Variants in MAT2B observed in about 807,000 individuals in gnomAD.
MAT2B encodes the protein methionine adenosyltransferase 2 non-catalytic beta subunit.
Under a neutral mutation model 36.1 loss-of-function variants are expected in MAT2B, and 16 were observed. The observed-to-expected ratio is 0.44, with a 90% CI of 0.30 to 0.67. The LOEUF is 0.67. MAT2B is among the 30% of genes least tolerant of loss of function. The pLI is 0.09. For synonymous variants in MAT2B, 148 were observed against 136.9 expected, an observed-to-expected ratio of 1.08 and a Z score of -0.57; for missense variants, 332 against 398.2, an observed-to-expected ratio of 0.83 and a Z score of 1.42.
At chr5:163,515,616 T>A (rs971005172) in intron 4 of MAT2B, among the ~76,000 whole-genome samples, 1 of 152,132 alleles carries the variant, frequency 6.6e-6, no homozygotes, top group African/African-American at 2.4e-5. Context: ...TTGCTTTTAT[T>A]TTTTAATCTA....
upstream of MAT2B, chr5:163,503,363 C>G: frequency 6.2e-7 from 1 of 1,610,962 alleles, no homozygotes; most frequent in Non-Finnish European, 8.5e-7. Flanking sequence ...AGACCCATCC[C>G]GTATCTGCTC....
intron 4 of MAT2B, among the ~76,000 whole-genome samples, chr5:163,514,218 A>G (rs1760095468): frequency 6.6e-6 from 1 of 152,240 alleles, no homozygotes; most frequent in Non-Finnish European, 1.5e-5. Context: ...ATCTTTACAC[A>G]TAGAAAACAA....
Position 163,518,407 on chromosome 5 carries a change from A to G in MAT2B, c.*44A>G, listed in dbSNP as rs1185836152. On this transcript the variant is annotated 3_prime_UTR_variant, in exon 7 of 7. Transcript: ENST00000321757. ...TTTTTTTTTTTTAAATGAAAAGTAT[A>G]GTATGTGGCACTTTTTAAAGAACAA... 6.7e-7 allele frequency: 1 copy of G among 1,502,656 alleles called. No homozygotes were observed. The allele number at this position is 1,502,656 out of a possible 1,614,324, so 93.1% of individuals were successfully genotyped here.
chr5:163,516,227 T>G (rs891452187), intron 4 of MAT2B, among the ~76,000 whole-genome samples: 16 of 152,214 alleles, frequency 1.1e-4, no homozygotes, highest in African/African-American at 2.6e-4. Flanking sequence ...CATTTTAATT[T>G]TTTGTAGAGA....
In MAT2B at chr5:163,516,714, A is replaced by G. The variant is rs371489145; in HGVS notation, c.720+3A>G. 3.1e-6 allele frequency: 5 copies of G among 1,610,504 alleles called. No homozygotes were observed. The highest frequency in any genetic ancestry group is 4.2e-6 in the Non-Finnish European group (5 of 1,179,908). On this transcript the variant is annotated splice_donor_region_variant and intron_variant, in intron 5 of 6. Transcript: ENST00000321757. ...AGCTAGCAGAGAAGAGAATGCTGGTAAGAAGGATTCCTGAGTCCTGTCTTA... is the reference window on the plus strand; with the variant it reads ...AGCTAGCAGAGAAGAGAATGCTGGTGAGAAGGATTCCTGAGTCCTGTCTTA...
At chr5:163,508,665 T>A (rs1366973081) in intron 1 of MAT2B, among the ~76,000 whole-genome samples, 2 of 152,098 alleles carry the variant, frequency 1.3e-5, no homozygotes, top group Middle Eastern at 6.8e-3. Flanking sequence ...TCCCCCAGGC[T>A]GGAGTGCAGT....
chr5:163,511,873 C>T lies in MAT2B; in HGVS notation c.64-129C>T, dbSNP rs145508621. 301 of 698,922 alleles carry T rather than the reference C, an allele frequency of 4.3e-4. No homozygotes were observed. The African/African-American group carries it at 5.2e-3, about 12-fold the overall frequency. The allele number at this position is 698,922 out of a possible 1,614,324, so 43.3% of individuals were successfully genotyped here. ...GACCCTAACTTAACTTTAGAATTGGCTTGCAGATATGGGACATGAGTCAAA... is the reference window on the plus strand; with the variant it reads ...GACCCTAACTTAACTTTAGAATTGGTTTGCAGATATGGGACATGAGTCAAA... On this transcript the variant is annotated intron_variant, in intron 1 of 6. Transcript: ENST00000321757.
chr5:163,508,451 T>C (rs1759979123), intron 1 of MAT2B, among the ~76,000 whole-genome samples: 1 of 152,130 alleles, frequency 6.6e-6, no homozygotes, highest in Non-Finnish European at 1.5e-5. Context: ...TTGGCCAGGC[T>C]GGTTTTGAAC....
intron 6 of MAT2B, 87 bp downstream of exon 6, chr5:163,517,761 T>C: frequency 1.3e-6 from 1 of 783,856 alleles, no homozygotes; most frequent in Non-Finnish European, 2.2e-6. Flanking sequence ...TCAGTACTAA[T>C]CAAAGTGAAC....
intron 1 of MAT2B, 60 bp from the exon 2 acceptor site, chr5:163,511,942 T>TA: frequency 7.9e-7 from 1 of 1,268,922 alleles, no homozygotes; most frequent in Non-Finnish European, 1.1e-6. Context: ...TGGTGCCTAA[T>TA]ATATTTGAGA....
At chr5:163,518,092 A>C in intron 6 of MAT2B, 101 bp from the exon 7 acceptor site, 1 of 787,922 alleles carries the variant, frequency 1.3e-6, no homozygotes, top group Non-Finnish European at 1.9e-6. Context: ...ATCTCTGTTT[A>C]AAAATATATA....
chr5:163,518,088 G>A (rs1760159793), intron 6 of MAT2B, 105 bp from the exon 7 acceptor site: 6 of 766,148 alleles, frequency 7.8e-6, no homozygotes, highest in Middle Eastern at 3.9e-4. Context: ...TCTCATCTCT[G>A]TTTAAAAATA....
At chr5:163,509,602 C>T (rs777519196) in intron 1 of MAT2B, among the ~76,000 whole-genome samples, 7 of 152,196 alleles carry the variant, frequency 4.6e-5, no homozygotes, top group African/African-American at 4.8e-5. Context: ...CCTTTGCTTC[C>T]GTAGAGTGAA....
Position 163,518,251 on chromosome 5 carries a change from C to T in MAT2B, c.893C>T (p.Ser298Phe), listed in dbSNP as rs1760162950. 6.2e-7 allele frequency: 1 copy of T among 1,613,786 alleles called. No individual in the cohort carries two copies. The highest frequency in any genetic ancestry group is 8.5e-7 in the Non-Finnish European group (1 of 1,179,818). ...CCGAGAAATGCTCAGCTTGACTGCT[C>T]CAAATTGGAGACCTTGGGCATTGGC... ...QRPRNAQLDC[S>F]KLETLGIGQR... is the part of the protein sequence containing the mutation. Residue 298 changes from serine (S) to phenylalanine (F), a missense_variant, in exon 7 of 7, where the codon TCC (serine) becomes TTC (phenylalanine). Coordinates refer to ENST00000321757, the MANE Select transcript of MAT2B (RefSeq NM_013283.5).
At chr5:163,516,855 A>G in intron 5 of MAT2B, 144 bp downstream of exon 5, 1 of 690,688 alleles carries the variant, frequency 1.4e-6, no homozygotes, top group Non-Finnish European at 2.6e-6. Flanking sequence ...AAAGTAGTTT[A>G]CATATACACT....
chr5:163,510,801 T>C (rs1419826772), intron 1 of MAT2B, among the ~76,000 whole-genome samples: 1 of 152,250 alleles, frequency 6.6e-6, no homozygotes, highest in Admixed American at 6.5e-5. Flanking sequence ...CAAGTTTTTT[T>C]TCCTCCTCGT....
At chr5:163,512,219 A>T (rs761739816) in intron 2 of MAT2B, 23 bp downstream of exon 2, 1 of 1,556,732 alleles carries the variant, frequency 6.4e-7, no homozygotes, top group East Asian at 2.2e-5. Flanking sequence ...TTATTTTAAG[A>T]TATACATGAA....
At chr5:163,506,399 G>C (rs1348492715) in intron 1 of MAT2B, among the ~76,000 whole-genome samples, 1 of 152,152 alleles carries the variant, frequency 6.6e-6, no homozygotes, top group Non-Finnish European at 1.5e-5. Flanking sequence ...TTTCCCTGAA[G>C]GAAGATTATG....
At position 163,516,586 on chromosome 5, in the gene MAT2B, G is replaced by A. The variant is rs1448019532; in HGVS notation, c.595G>A (p.Val199Ile). The change falls in exon 5 of 7, where the codon GTT (valine) becomes ATT (isoleucine). Residue 199 changes from valine (V) to isoleucine (I), a missense_variant. By Grantham distance (29) the Val-to-Ile change is conservative (BLOSUM62 3). Coordinates refer to ENST00000321757, the MANE Select transcript of MAT2B (RefSeq NM_013283.5). The stretch of plus-strand genomic sequence containing the variant: ...AAAGCTCGAAGAAAGTGCTGTGACT[G>A]TTATGTTTGATAAAGTGCAGTTCAG... ...VEKLEESAVT[V>I]MFDKVQFSNK... is the part of the protein sequence containing the mutation. 1 of 1,614,050 alleles carries A rather than the reference G, an allele frequency of 6.2e-7. No homozygotes were observed. The highest frequency in any genetic ancestry group is 1.3e-5 in the African/African-American group (1 of 74,928).
Sources: gnomAD v4.1 joint callset for allele counts (sites outside exome capture counted in the v4.1 genomes callset) on GRCh38, gnomAD v4.1.1 for gene constraint, MANE v1.5 for transcripts, NCBI Gene and HGNC (gene_info 2026-07-23, HGNC 2026-07-21) for gene names.